Variants in GSE1 observed in about 807,000 individuals in gnomAD.
The protein encoded by GSE1 is Gse1 coiled-coil protein.
In GSE1, 32 loss-of-function variants were observed where a neutral mutation model predicts 112.6. The ratio of observed to expected loss-of-function variants is 0.28; its 90% CI spans 0.21 to 0.38. The LOEUF (loss-of-function observed/expected upper bound fraction) is 0.38. GSE1 is among the 10% of genes least tolerant of loss of function. The pLI is 1.00. For missense variants in GSE1, 2,348 were observed against 1,699.2 expected (o/e 1.38, Z -6.71); for synonymous variants, 1,115 against 735.6 (o/e 1.52, Z -8.35).
intron 1 of GSE1, among the ~76,000 whole-genome samples, chr16:85,207,030 C>G (rs2075130531): frequency 6.6e-6 from 1 of 152,336 alleles, no homozygotes; most frequent in Admixed American, 6.5e-5. Flanking sequence ...ATTCTCCAGG[C>G]CCACTGCTGG....
intron 1 of GSE1, among the ~76,000 whole-genome samples, chr16:85,196,747 C>T (rs753057792): frequency 2.0e-5 from 3 of 152,130 alleles, no homozygotes; most frequent in Non-Finnish European, 4.4e-5. Context: ...GAGGGAGTCC[C>T]ATTAGGCCCT....
intron 1 of GSE1, among the ~76,000 whole-genome samples, chr16:85,296,581 G>A (rs1001328573): frequency 2.6e-4 from 40 of 152,084 alleles, no homozygotes; most frequent in African/African-American, 8.5e-4. Context: ...CACTCCAGCC[G>A]GAGTGACAGA....
intron 1 of GSE1, among the ~76,000 whole-genome samples, chr16:85,251,962 A>G (rs1567639993): frequency 6.6e-6 from 1 of 152,198 alleles, no homozygotes; most frequent in Non-Finnish European, 1.5e-5. Flanking sequence ...ACAGGTAGGA[A>G]CTGCTGTCAG....
At chr16:85,477,782 G>A (rs1005501138) in intron 2 of GSE1, among the ~76,000 whole-genome samples, 4 of 151,948 alleles carry the variant, frequency 2.6e-5, no homozygotes, top group Non-Finnish European at 4.4e-5. Context: ...GGCTGGTCTC[G>A]AACTCCTGAC....
intron 2 of GSE1, among the ~76,000 whole-genome samples, chr16:85,485,345 C>A (rs1220256887): frequency 6.6e-6 from 1 of 152,238 alleles, no homozygotes; most frequent in Non-Finnish European, 1.5e-5. Context: ...TGGGCCAGGT[C>A]CCGTGCAGCC....
At chr16:85,474,938 C>T (rs945174772) in intron 2 of GSE1, among the ~76,000 whole-genome samples, 2 of 152,154 alleles carry the variant, frequency 1.3e-5, no homozygotes, top group African/African-American at 2.4e-5. Flanking sequence ...AGGACCTTGG[C>T]GTCTGAATTT....
chr16:85,367,797 T>C (rs548015820), intron 2 of GSE1, among the ~76,000 whole-genome samples: 1 of 150,732 alleles, frequency 6.6e-6, no homozygotes, highest in Non-Finnish European at 1.5e-5. Context: ...CAGCTGTTGC[T>C]GGGAGACATG....
At chr16:85,184,571 C>G (rs2074661611) in intron 1 of GSE1, among the ~76,000 whole-genome samples, 1 of 152,178 alleles carries the variant, frequency 6.6e-6, no homozygotes, top group Admixed American at 6.5e-5. Flanking sequence ...ATTATTATCC[C>G]TACTTTAATA....
chr16:85,173,548 G>C (rs1019184269), intron 1 of GSE1, among the ~76,000 whole-genome samples: 1 of 152,186 alleles, frequency 6.6e-6, no homozygotes, highest in African/African-American at 2.4e-5. Context: ...TTCTGTGTGC[G>C]AGGTGCTGGC....
At chr16:85,636,800 G>T (rs1567692998) in intron 2 of GSE1, among the ~76,000 whole-genome samples, 2 of 152,194 alleles carry the variant, frequency 1.3e-5, no homozygotes, top group African/African-American at 2.4e-5. Flanking sequence ...GTGGAGCAGG[G>T]AGCTGGCGTT....
At chr16:85,589,867 TGA>T (rs1555539543) in intron 1 of GSE1, among the ~76,000 whole-genome samples, 2 of 152,040 alleles carry the variant, frequency 1.3e-5, no homozygotes, top group African/African-American at 4.8e-5. Context: ...TGTGAACATG[TGA>T]CAGAGACATT....
chr16:85,624,099 C>T (rs947424662), intron 1 of GSE1, among the ~76,000 whole-genome samples: 1 of 152,226 alleles, frequency 6.6e-6, no homozygotes, highest in Non-Finnish European at 1.5e-5. Context: ...GAGCAAGCGT[C>T]TCAGCCTCCT....
chr16:85,516,558 C>G (rs1301346920), intron 2 of GSE1, among the ~76,000 whole-genome samples: 1 of 138,746 alleles, frequency 7.2e-6, no homozygotes, highest in Non-Finnish European at 1.5e-5. Flanking sequence ...TGCCCTCACT[C>G]TACAAGGCAA....
intron 1 of GSE1, among the ~76,000 whole-genome samples, chr16:85,346,652 T>A (rs1037236274): frequency 2.2e-5 from 3 of 137,968 alleles, no homozygotes; most frequent in African/African-American, 8.2e-5. Context: ...GATGGATAAG[T>A]GGTGGATGGA....
chr16:85,478,493 C>A (rs1262965629), intron 2 of GSE1, among the ~76,000 whole-genome samples: 1 of 147,792 alleles, frequency 6.8e-6, no homozygotes, highest in Admixed American at 6.8e-5. Context: ...TGCCATTGCA[C>A]TGCAGCCTGG....
At chr16:85,486,023 T>A (rs2050826100) in intron 2 of GSE1, among the ~76,000 whole-genome samples, 1 of 152,172 alleles carries the variant, frequency 6.6e-6, no homozygotes, top group African/African-American at 2.4e-5. Flanking sequence ...CATGGCCCCA[T>A]TCTACAGATG....
At chr16:85,238,838 G>A (rs568477552) in intron 1 of GSE1, among the ~76,000 whole-genome samples, 2 of 152,274 alleles carry the variant, frequency 1.3e-5, no homozygotes, top group South Asian at 4.1e-4. Context: ...CTTCCTTCCA[G>A]TCCTTCCTCC....
intron 1 of GSE1, among the ~76,000 whole-genome samples, chr16:85,268,908 G>C (rs1272970792): frequency 7.9e-6 from 1 of 125,980 alleles, no homozygotes; most frequent in African/African-American, 2.5e-5. Flanking sequence ...ACTTGAGGGG[G>C]GACCAGGGGG....
intron 1 of GSE1, among the ~76,000 whole-genome samples, chr16:85,234,961 C>G (rs919247835): frequency 6.6e-6 from 1 of 152,128 alleles, no homozygotes; most frequent in East Asian, 1.9e-4. Flanking sequence ...GCCGGAGACC[C>G]GGATACTAGA....
Sources: gnomAD v4.1 joint callset for allele counts (sites outside exome capture counted in the v4.1 genomes callset) on GRCh38, gnomAD v4.1.1 for gene constraint, MANE v1.5 for transcripts, NCBI Gene and HGNC (gene_info 2026-07-23, HGNC 2026-07-21) for gene names.